SEH1L: variants seen among roughly 807,000 people sequenced by gnomAD.
SEH1L encodes nucleoporin SEH1.
Under a neutral mutation model 49.5 loss-of-function variants are expected in SEH1L, and 18 were observed. The observed-to-expected ratio is 0.36, with a 90% confidence interval of 0.25 to 0.54. The LOEUF (loss-of-function observed/expected upper bound fraction) is 0.54. SEH1L is among the 20% of genes least tolerant of loss of function. SEH1L has a pLI of 0.87. For synonymous variants in SEH1L, 169 were observed against 178.1 expected (o/e 0.95, Z 0.41); for missense variants, 404 against 528.8 (o/e 0.76, Z 2.31).
chr18:12,965,100 G>A (rs1316916575), intron 4 of SEH1L, among the ~76,000 whole-genome samples: 1 of 110,532 alleles, frequency 9.0e-6, no homozygotes, highest in Non-Finnish European at 1.7e-5. Flanking sequence ...TGCAAGCTCC[G>A]CCTCCTGGTT....
Position 12,963,152 on chromosome 18 carries a change from T to C in SEH1L, c.310-8T>C. On this transcript the variant is annotated splice_region_variant and splice_polypyrimidine_tract_variant and intron_variant, in intron 3 of 8. Transcript: ENST00000399892. ...ATATAATTTAAATTGTTATTATTTT[T>C]TTTTTAGGTTAAAAGGACAACTCTG... 6.3e-7 allele frequency: 1 copy of C among 1,588,580 alleles called. No individual in the cohort carries two copies. Among genetic ancestry groups the C allele is most frequent in the Non-Finnish European group, 8.6e-7 (1 of 1,164,534 alleles).
At chr18:12,985,135 A>T in intron 8 of SEH1L, 1 of 1,288,194 alleles carries the variant, frequency 7.8e-7, no homozygotes, top group Non-Finnish European at 1.1e-6. Context: ...TTTCTTTTGT[A>T]AATAGCTTCT....
At chr18:12,958,836 C>T (rs1035600775) in intron 3 of SEH1L, among the ~76,000 whole-genome samples, 23 of 152,106 alleles carry the variant, frequency 1.5e-4, no homozygotes, top group Admixed American at 1.0e-3. Flanking sequence ...TGTTTGAGAC[C>T]GTGCTTTCGA....
intron 4 of SEH1L, among the ~76,000 whole-genome samples, chr18:12,970,832 T>C (rs1236132182): frequency 6.6e-6 from 1 of 152,202 alleles, no homozygotes; most frequent in Non-Finnish European, 1.5e-5. Context: ...GGAGGAAAAA[T>C]TACTAAGACC....
chr18:12,970,229 T>C (rs780470423), intron 4 of SEH1L, among the ~76,000 whole-genome samples: 9 of 152,162 alleles, frequency 5.9e-5, no homozygotes, highest in African/African-American at 1.2e-4. Context: ...AAGGAAATTA[T>C]GTTAATTAGG....
At chr18:12,957,350 C>A (rs1264559588) in intron 3 of SEH1L, among the ~76,000 whole-genome samples, 1 of 152,136 alleles carries the variant, frequency 6.6e-6, no homozygotes, top group Non-Finnish European at 1.5e-5. Context: ...ATCGCTTGAA[C>A]CCGGGAGGCG....
chr18:12,976,915 G>A (rs1414344554), intron 5 of SEH1L: 1 of 151,842 alleles, frequency 6.6e-6, no homozygotes, highest in Non-Finnish European at 1.5e-5. Context: ...GGCGGAGCTT[G>A]CAGTGAGCCG....
intron 2 of SEH1L, among the ~76,000 whole-genome samples, chr18:12,955,078 T>G (rs1244392811): frequency 6.6e-6 from 1 of 152,078 alleles, no homozygotes; most frequent in East Asian, 1.9e-4. Flanking sequence ...AGAAAGAATT[T>G]GCAAGTAAAA....
chr18:12,986,893 G>A lies in SEH1L; in HGVS notation c.1102G>A (p.Ala368Thr). 1 of 1,608,152 alleles carries A rather than the reference G, an allele frequency of 6.2e-7. No homozygotes were observed. Among genetic ancestry groups the A allele is most frequent in the Non-Finnish European group, 8.5e-7 (1 of 1,176,522 alleles). Reference protein sequence around the residue: ...YFFTPLDSPRAGSRWSSYAQL... With the variant: ...YFFTPLDSPRTGSRWSSYAQL... The stretch of plus-strand genomic sequence containing the variant: ...CTTTACCCCTCTGGATTCCCCACGG[G>A]CTGGATCGAGATGGTCCAGTTATGC... Residue 368 changes from alanine (A) to threonine (T), a missense_variant, in exon 9 of 9, where the codon GCT becomes ACT. Ala to Thr is a moderately conservative substitution (Grantham distance 58). This residue lies in a region of SEH1L where 342 missense variants were observed against 430.8 expected (regional missense o/e 0.79). Transcript: ENST00000399892.
chr18:12,956,499 T>G (rs1270153766), intron 3 of SEH1L, among the ~76,000 whole-genome samples: 3 of 148,254 alleles, frequency 2.0e-5, no homozygotes, highest in African/African-American at 5.0e-5. Context: ...TCCCAGGGCT[T>G]CTTTTTTCCT....
At chr18:12,963,424 C>T in intron 4 of SEH1L, 53 bp downstream of exon 4, 1 of 1,338,160 alleles carries the variant, frequency 7.5e-7, no homozygotes, top group Admixed American at 1.7e-5. Flanking sequence ...AAACTAGTAA[C>T]TTTTAAGCTA....
Position 12,963,492 on chromosome 18 carries a change from G to A in SEH1L, c.521+121G>A, listed in dbSNP as rs888704288. 4.1e-6 allele frequency: 3 copies of A among 723,148 alleles called. No individual in the cohort carries two copies. In the African/African-American group the frequency reaches 5.3e-5, roughly 13 times the overall value. The allele number at this position is 723,148 out of a possible 1,614,324, so 44.8% of individuals were successfully genotyped here. A position where few individuals can be genotyped will look rare whatever the true frequency, so the allele number is the denominator to read the frequency against. Reference sequence around the variant, plus strand: ...TCTTCTCAAGATATATAGAGTATATGTTCTCCATTTTTCACCCAGGCATGT... The same window carrying A: ...TCTTCTCAAGATATATAGAGTATATATTCTCCATTTTTCACCCAGGCATGT... On this transcript the variant is annotated intron_variant, in intron 4 of 8. Transcript: ENST00000399892.
At chr18:12,970,518 G>A (rs986178956) in intron 4 of SEH1L, among the ~76,000 whole-genome samples, 6 of 152,124 alleles carry the variant, frequency 3.9e-5, no homozygotes, top group South Asian at 2.1e-4. Flanking sequence ...ACTCCTGGGC[G>A]CAAGTGATCC....
chr18:12,974,923 C>G (rs1049614484), intron 5 of SEH1L, among the ~76,000 whole-genome samples: 5 of 152,130 alleles, frequency 3.3e-5, no homozygotes, highest in African/African-American at 7.2e-5. Flanking sequence ...TATTTACACT[C>G]TCATTGAGGA....
chr18:12,977,862 T>A (rs1261714710), intron 5 of SEH1L: 8 of 151,212 alleles, frequency 5.3e-5, no homozygotes, highest in South Asian at 2.1e-4. Flanking sequence ...TGAGTCTTAC[T>A]GTGTTGCCCA....
intron 3 of SEH1L, among the ~76,000 whole-genome samples, chr18:12,957,103 G>A (rs2030910619): frequency 6.6e-6 from 1 of 151,230 alleles, no homozygotes; most frequent in African/African-American, 2.4e-5. Context: ...TGTTTCTTTT[G>A]TTTTGTGGTT....
At chr18:12,981,154 G>C (rs1188365754) in intron 6 of SEH1L, among the ~76,000 whole-genome samples, 1 of 151,948 alleles carries the variant, frequency 6.6e-6, no homozygotes, top group Non-Finnish European at 1.5e-5. Flanking sequence ...TGGGCGGCCG[G>C]GCAGAGACGC....
chr18:12,964,079 T>A (rs2145627850), intron 4 of SEH1L, among the ~76,000 whole-genome samples: 2 of 152,244 alleles, frequency 1.3e-5, no homozygotes, highest in East Asian at 3.8e-4. Flanking sequence ...GTGGGCATTT[T>A]TCCATATATT....
chr18:12,981,024 C>A (rs921954917), intron 6 of SEH1L, among the ~76,000 whole-genome samples: 1 of 148,442 alleles, frequency 6.7e-6, no homozygotes, highest in Non-Finnish European at 1.5e-5. Flanking sequence ...ACTTCTCAGA[C>A]GGTGTGGCTG....
Sources: allele counts gnomAD v4.1 joint callset (sites outside exome capture counted in the v4.1 genomes callset), GRCh38; gene constraint gnomAD v4.1.1; regional missense constraint gnomAD v4.1.1; transcripts MANE v1.5; gene names NCBI Gene and HGNC (gene_info 2026-07-23, HGNC 2026-07-21).